TRIP12: variants seen among roughly 807,000 people sequenced by gnomAD.
The protein encoded by TRIP12 is E3 ubiquitin-protein ligase TRIP12.
TRIP12 carries 25 observed loss-of-function variants against 244.2 expected under a neutral mutation model. The ratio of observed to expected loss-of-function variants is 0.10; its 90% confidence interval spans 0.07 to 0.14. The LOEUF (loss-of-function observed/expected upper bound fraction) is 0.14. Among genes scored for constraint, TRIP12 ranks in the 10% least tolerant of loss-of-function variants. TRIP12 has a pLI of 1.00. For missense variants in TRIP12, 1,677 were observed against 2,486.4 expected, an observed-to-expected ratio of 0.67 and a Z score of 6.92; for synonymous variants, 905 against 873.1, an observed-to-expected ratio of 1.04 and a Z score of -0.64.
rs1341806653 is a variant in TRIP12, at chr2:229,858,828, G to C, written c.971C>G (p.Ser324Cys). Residue 324 changes from serine to cysteine, a missense_variant, in exon 4 of 42, where the codon TCT (serine) becomes TGT (cysteine). By Grantham distance (112) the Ser-to-Cys change is moderately radical. This residue lies in a region of TRIP12 where 387 missense variants were observed against 392.6 expected (regional missense o/e 0.99). Transcript: ENST00000675903. ...AGGTTTTGATGTCTCTGACTTAGAA[G>C]ACCCTGGAAGAGACAGTTTTGTTTT... is the stretch of plus-strand genomic sequence containing the variant. ...LPKTKLSLPG[S>C]SKSETSKPGP... 3.7e-6 allele frequency: 6 copies of C among 1,613,088 alleles called. No individual in the cohort carries two copies. Among genetic ancestry groups the C allele is most frequent in the Non-Finnish European group, 4.2e-6 (5 of 1,179,252 alleles).
intron 19 of TRIP12, 25 bp downstream of exon 19, chr2:229,803,974 G>A (rs985505253): frequency 6.4e-7 from 1 of 1,563,796 alleles, no homozygotes; most frequent in African/African-American, 1.4e-5. Context: ...TTTGTAAAAT[G>A]TTTCTACTAT....
chr2:229,922,630 A>G (rs2076770182), upstream of TRIP12: 1 of 1,612,270 alleles, frequency 6.2e-7, no homozygotes, highest in Admixed American at 1.7e-5. Context: ...GCCGCGGTTT[A>G]CCCTCTCTCC....
At chr2:229,880,264 T>G in intron 1 of TRIP12, 136 bp from the exon 2 acceptor site, 1 of 609,064 alleles carries the variant, frequency 1.6e-6, no homozygotes, top group Non-Finnish European at 2.9e-6. Flanking sequence ...TGCTGCAATG[T>G]CTCACTGAAC....
rs1407764479 is a variant in TRIP12, at chr2:229,876,584, A to G, written c.98+3398T>C. On this transcript the variant is annotated intron_variant, in intron 2 of 41. Coordinates refer to ENST00000675903, the MANE Select transcript of TRIP12 (RefSeq NM_001348323.3). ...TCTAATCGAGTTCCATCTCTGTTAC[A>G]ACTTTGAGCTACTTAAACCAACACA... Among the ~76,000 whole-genome samples, 4 of 152,330 alleles carry G rather than the reference A, an allele frequency of 2.6e-5. No homozygotes were observed. The East Asian group carries it at 7.7e-4, about 29-fold the overall frequency.
At chr2:229,864,797 G>GTTATGTGCTTTCAAGATCA (rs1341198539) in intron 2 of TRIP12, among the ~76,000 whole-genome samples, 3 of 152,242 alleles carry the variant, frequency 2.0e-5, no homozygotes, top group African/African-American at 7.2e-5. Context: ...TCAACTCTGG[G>GTTATGTGCTTTCAAGATCA]TTATGTGCTT....
intron 4 of TRIP12, among the ~76,000 whole-genome samples, chr2:229,849,883 T>C (rs1422488479): frequency 1.3e-5 from 2 of 150,408 alleles, no homozygotes; most frequent in Non-Finnish European, 2.9e-5. Context: ...CACTTAACAC[T>C]GCACATAAGT....
intron 7 of TRIP12, 61 bp downstream of exon 7, chr2:229,830,695 G>T: frequency 7.0e-7 from 1 of 1,438,694 alleles, no homozygotes; most frequent in Non-Finnish European, 9.7e-7. Flanking sequence ...TTTCAATAAA[G>T]AATGGTATTA....
chr2:229,882,174 A>G (rs1472361502), intron 1 of TRIP12, among the ~76,000 whole-genome samples: 1 of 152,216 alleles, frequency 6.6e-6, no homozygotes, highest in East Asian at 1.9e-4. Flanking sequence ...ATCCATGTAA[A>G]CTACTCAATA....
rs1011936025 is a variant in TRIP12, at chr2:229,771,617, C to T, written c.5710G>A (p.Ala1904Thr). Residue 1904 changes from alanine to threonine, a missense_variant, in exon 39 of 42, where the codon GCA (alanine) becomes ACA (threonine). Ala to Thr is a moderately conservative substitution (Grantham distance 58). Transcript: ENST00000675903. ...TGCCTAGAAACGCCTTCATTTAGTG[C>T]CCAGAATATAACCAGCTGCAAAAAG... ...EEYLRLVIFWALNEGVSRQFD... is the reference protein window; with the variant it reads ...EEYLRLVIFWTLNEGVSRQFD... 1.2e-6 allele frequency: 2 copies of T among 1,613,440 alleles called. No homozygotes were observed. The highest frequency in any genetic ancestry group is 1.3e-5 in the African/African-American group (1 of 74,886).
intron 2 of TRIP12, among the ~76,000 whole-genome samples, chr2:229,879,389 G>C (rs1371085617): frequency 6.6e-6 from 1 of 152,114 alleles, no homozygotes; most frequent in African/African-American, 2.4e-5. Context: ...AATCTGACTT[G>C]GAGTATTACA....
intron 1 of TRIP12, among the ~76,000 whole-genome samples, chr2:229,881,118 C>CT (rs147962658): frequency 0.043 from 6,578 of 152,218 alleles, 477 homozygotes; most frequent in African/African-American, 0.15. Flanking sequence ...ATTTACTCTC[C>CT]TTTAAAACCA....
At chr2:229,809,306 A>AT (rs1335765266) in intron 15 of TRIP12, among the ~76,000 whole-genome samples, 3 of 151,880 alleles carry the variant, frequency 2.0e-5, no homozygotes, top group Non-Finnish European at 4.4e-5. Flanking sequence ...TAAGGATTTT[A>AT]TTTTTTTTAG....
At chr2:229,803,401 A>C (rs2044992500) in intron 20 of TRIP12, among the ~76,000 whole-genome samples, 170 bp downstream of exon 20, 1 of 152,370 alleles carries the variant, frequency 6.6e-6, no homozygotes, top group Non-Finnish European at 1.5e-5. Context: ...GGCGTGAGCC[A>C]CCACGCCCAG....
At chr2:229,903,299 T>C (rs576950250) in intron 1 of TRIP12, among the ~76,000 whole-genome samples, 19 of 152,190 alleles carry the variant, frequency 1.2e-4, no homozygotes, top group African/African-American at 4.3e-4. Flanking sequence ...AAACGAACCA[T>C]GTCGTGCAAG....
At position 229,857,497 on chromosome 2, in the gene TRIP12, C is replaced by T. The variant is rs80088475; in HGVS notation, c.1027+1275G>A. ...TACAAAAATTAGCTGGGTGTGATGG[C>T]GCACACTTGTAATCTCAGCTACTCA... is the stretch of plus-strand genomic sequence containing the variant. On this transcript the variant is annotated intron_variant, in intron 4 of 41. Coordinates refer to ENST00000675903, the MANE Select transcript of TRIP12 (RefSeq NM_001348323.3). Among the ~76,000 whole-genome samples the T allele has an allele frequency of 5.7e-3, 860 of 152,064 alleles. 11 individuals are homozygous for T. The highest frequency in any genetic ancestry group is 0.053 in the East Asian group (274 of 5,168).
At chr2:229,848,486 G>T (rs1261760698) in intron 4 of TRIP12, among the ~76,000 whole-genome samples, 1 of 151,746 alleles carries the variant, frequency 6.6e-6, no homozygotes, top group African/African-American at 2.4e-5. Flanking sequence ...GCAAACATGG[G>T]GGAAAAAAAG....
At chr2:229,810,223 A>G (rs1283701392) in intron 15 of TRIP12, among the ~76,000 whole-genome samples, 2 of 152,326 alleles carry the variant, frequency 1.3e-5, no homozygotes, top group African/African-American at 4.8e-5. Context: ...GAAAAAAATT[A>G]TAACGTATAG....
Position 229,792,133 on chromosome 2 carries a change from G to T in TRIP12, c.4215+20C>A. On this transcript the variant is annotated intron_variant, in intron 28 of 41. Transcript: ENST00000675903. ...AACTTTATATAGTACATTATACATG[G>T]TGGGAATATAGTACCTTACCAGAGA... is the stretch of plus-strand genomic sequence containing the variant. 2 of 1,613,910 alleles carry T rather than the reference G, an allele frequency of 1.2e-6. No homozygotes were observed. Among genetic ancestry groups the T allele is most frequent in the Non-Finnish European group, 1.7e-6 (2 of 1,179,888 alleles).
chr2:229,772,339 G>A (rs2034659469), intron 38 of TRIP12, among the ~76,000 whole-genome samples: 1 of 152,156 alleles, frequency 6.6e-6, no homozygotes, highest in Admixed American at 6.5e-5. Context: ...CTCATTATTT[G>A]CTAGTAAGAT....
Sources: allele counts gnomAD v4.1 joint callset (sites outside exome capture counted in the v4.1 genomes callset), GRCh38; gene constraint gnomAD v4.1.1; regional missense constraint gnomAD v4.1.1; transcripts MANE v1.5; gene names NCBI Gene and HGNC (gene_info 2026-07-23, HGNC 2026-07-21).